C1orf105: variants seen among roughly 807,000 people sequenced by gnomAD.
C1orf105 encodes the protein chromosome 1 open reading frame 105, also known as uncharacterized protein C1orf105.
C1orf105 carries 17 observed loss-of-function variants against 20.8 expected under a neutral mutation model. The ratio of observed to expected loss-of-function variants is 0.82; its 90% CI spans 0.56 to 1.23. The LOEUF (loss-of-function observed/expected upper bound fraction) is 1.23, where lower values mean the gene tolerates loss of function less well. C1orf105 is among the 50% of genes most tolerant of loss of function. The probability of loss-of-function intolerance (pLI) is 0.00; values close to 1 mark genes in which losing one functional copy is unlikely to be tolerated. For synonymous variants in C1orf105, 72 were observed against 72.1 expected, an observed-to-expected ratio of 1.00 and a Z score of 0.01; for missense variants, 219 against 213.5, an observed-to-expected ratio of 1.03 and a Z score of -0.16.
At chr1:172,467,760 A>G (rs1420702377) in intron 6 of C1orf105, among the ~76,000 whole-genome samples, 1 of 152,138 alleles carries the variant, frequency 6.6e-6, no homozygotes, top group African/African-American at 2.4e-5. Flanking sequence ...CAGAGTTCCA[A>G]TTCTCTTAGT....
intron 1 of C1orf105, 133 bp from the exon 2 acceptor site, chr1:172,444,940 G>A (rs1647802974): frequency 1.7e-6 from 1 of 584,836 alleles, no homozygotes; most frequent in Non-Finnish European, 2.9e-6. Context: ...TTATAGGATG[G>A]TTAAAGAGTT....
At chr1:172,448,189 T>A (rs1176214224) in intron 2 of C1orf105, among the ~76,000 whole-genome samples, 1 of 152,206 alleles carries the variant, frequency 6.6e-6, no homozygotes, top group East Asian at 1.9e-4. Flanking sequence ...TGAACAATCT[T>A]TATCCTGCCT....
intron 4 of C1orf105, among the ~76,000 whole-genome samples, chr1:172,459,600 A>G (rs1320103475): frequency 6.6e-6 from 1 of 152,158 alleles, no homozygotes; most frequent in African/African-American, 2.4e-5. Flanking sequence ...AAAATTGCTG[A>G]TGGGAATGTA....
intron 1 of C1orf105, among the ~76,000 whole-genome samples, chr1:172,423,885 G>C (rs1344209160): frequency 6.6e-6 from 1 of 152,114 alleles, no homozygotes; most frequent in Non-Finnish European, 1.5e-5. Flanking sequence ...GAAAGAATTA[G>C]TGAGCTTGAA....
intron 1 of C1orf105, chr1:172,442,783 C>T: frequency 1.6e-6 from 1 of 635,008 alleles, no homozygotes; most frequent in South Asian, 2.1e-5. Flanking sequence ...GGGGCTAGGC[C>T]TACAATAGAT....
At chr1:172,428,646 A>G (rs938150257) in intron 1 of C1orf105, 16 of 495,514 alleles carry the variant, frequency 3.2e-5, no homozygotes, top group Middle Eastern at 8.3e-4. Context: ...TTCCCATGAG[A>G]CCTACTCTGA....
At chr1:172,439,213 T>C (rs2072137672) in intron 1 of C1orf105, among the ~76,000 whole-genome samples, 1 of 152,228 alleles carries the variant, frequency 6.6e-6, no homozygotes, top group Non-Finnish European at 1.5e-5. Flanking sequence ...TGTCTATATA[T>C]ACACACTTAT....
At position 172,441,352 on chromosome 1, in the gene C1orf105, TACACACACACACACACAC is replaced by T. The variant is rs55669322; in HGVS notation, c.22-3698_22-3681del. ...TGAAAAGGGTAGAAAGAAGTGACTT[TACACACACACACACACAC>T]ACACACACACACACACACACACTTA... On this transcript the variant is annotated intron_variant, in intron 1 of 6. Transcript: ENST00000367727. 6.5e-3 allele frequency: 1,015 copies of T among 156,910 alleles called. 8 individuals carry two copies. The highest frequency in any genetic ancestry group is 0.018 in the African/African-American group (725 of 40,474). The allele number at this position is 156,910 out of a possible 1,614,324, so 9.7% of individuals were successfully genotyped here.
chr1:172,450,658 T>G (rs1436697065), intron 3 of C1orf105, among the ~76,000 whole-genome samples: 1 of 152,200 alleles, frequency 6.6e-6, no homozygotes, highest in East Asian at 1.9e-4. Context: ...CTGGCTGCGT[T>G]CCTCTTCACC....
chr1:172,431,172 T>C (rs2071863497), intron 1 of C1orf105: 2 of 454,986 alleles, frequency 4.4e-6, no homozygotes, highest in South Asian at 9.9e-5. Flanking sequence ...AAAGTAGAAA[T>C]GATTAAGCTT....
At chr1:172,462,094 C>A in intron 4 of C1orf105, 84 bp from the exon 5 acceptor site, 1 of 1,036,024 alleles carries the variant, frequency 9.7e-7, no homozygotes, top group Non-Finnish European at 1.5e-6. Flanking sequence ...TCAAATACAA[C>A]ACAAATTCAC....
At chr1:172,443,875 T>G in intron 1 of C1orf105, 2 of 814,412 alleles carry the variant, frequency 2.5e-6, no homozygotes, top group Non-Finnish European at 3.0e-6. Context: ...CATTTGGCTT[T>G]TTGGGTGGGC....
chr1:172,465,717 T>G lies in C1orf105; in HGVS notation c.406+354T>G, dbSNP rs866204188. 1.2e-4 allele frequency: 58 copies of G among 469,318 alleles called. 3 individuals are homozygous for G. Among genetic ancestry groups the G allele is most frequent in the South Asian group, 8.8e-4 (57 of 64,682 alleles). 29.1% of individuals were successfully genotyped at this position (469,318 alleles called of 1,614,324 possible). A position where few individuals can be genotyped will look rare whatever the true frequency, so the allele number is the denominator to read the frequency against. ...GTATCAATCAAAATGGGAAGGGAAC[T>G]GCATCTCTATACCCTCAGAGCGGCC... On this transcript the variant is annotated intron_variant, in intron 6 of 6. Transcript: ENST00000367727.
intron 1 of C1orf105, among the ~76,000 whole-genome samples, chr1:172,435,372 C>T (rs1281055712): frequency 6.6e-6 from 1 of 152,182 alleles, no homozygotes; most frequent in Non-Finnish European, 1.5e-5. Flanking sequence ...TGGAATCCAG[C>T]AGCCCATCAA....
rs182391546 is a variant in C1orf105, at chr1:172,435,494, C to A, written c.22-9579C>A. On this transcript the variant is annotated intron_variant, in intron 1 of 6. Transcript: ENST00000367727. The stretch of plus-strand genomic sequence containing the variant: ...ACATAAACAGAACCAACAAAAAAAA[C>A]CACAAAATTATCTCAATAAATGCAG... Among the ~76,000 whole-genome samples the A allele has an allele frequency of 7.9e-4, 120 of 152,180 alleles. 1 individual carries two copies. The highest frequency in any genetic ancestry group is 6.8e-3 in the Middle Eastern group (2 of 294).
intron 4 of C1orf105, among the ~76,000 whole-genome samples, chr1:172,457,880 G>A (rs1298869559): frequency 2.0e-5 from 3 of 152,222 alleles, no homozygotes; most frequent in African/African-American, 7.2e-5. Flanking sequence ...AGAACCTGGT[G>A]ATAAACTACA....
intron 1 of C1orf105, chr1:172,431,348 T>C: frequency 2.9e-6 from 1 of 346,180 alleles, no homozygotes; most frequent in Non-Finnish European, 5.2e-6. Context: ...AAAGTTATAG[T>C]GGTCTGTATA....
At chr1:172,445,301 T>G in intron 2 of C1orf105, 143 bp downstream of exon 2, 1 of 707,590 alleles carries the variant, frequency 1.4e-6, no homozygotes, top group South Asian at 2.0e-5. Flanking sequence ...ATAGAAATAA[T>G]CCGGGTTTCT....
intron 1 of C1orf105, among the ~76,000 whole-genome samples, chr1:172,437,757 T>A (rs1275781919): frequency 6.9e-6 from 1 of 145,694 alleles, no homozygotes; most frequent in Non-Finnish European, 1.5e-5. Flanking sequence ...ATAATAATAA[T>A]AAACAAAACG....
Sources: gnomAD v4.1 joint callset for allele counts (sites outside exome capture counted in the v4.1 genomes callset) on GRCh38, gnomAD v4.1.1 for gene constraint, MANE v1.5 for transcripts, NCBI Gene and HGNC (gene_info 2026-07-23, HGNC 2026-07-21) for gene names.